The following TENM2 variants were observed in gnomAD, a reference collection of about 807,000 sequenced individuals.
The protein encoded by TENM2 is teneurin transmembrane protein 2, also known as teneurin-2.
TENM2 carries 52 observed loss-of-function variants against 245.2 expected under a neutral mutation model. That is an observed-to-expected ratio of 0.21 (90% CI 0.17 to 0.27). TENM2 has a LOEUF of 0.27. TENM2 is among the 10% of genes least tolerant of loss of function. The pLI, the probability that TENM2 is intolerant of heterozygous loss-of-function variation, is 1.00. For synonymous variants in TENM2, 1,363 were observed against 1,438.9 expected, an observed-to-expected ratio of 0.95 and a Z score of 1.19; for missense variants, 3,046 against 3,666.8, an observed-to-expected ratio of 0.83 and a Z score of 4.37.
intron 25 of TENM2, among the ~76,000 whole-genome samples, chr5:168,230,301 A>C (rs1016071339): frequency 1.3e-5 from 2 of 152,244 alleles, no homozygotes; most frequent in African/African-American, 4.8e-5. Flanking sequence ...TCACTATGAG[A>C]TTATAACAGG....
At chr5:167,876,106 A>C in exon 3 of TENM2, 1 of 1,551,478 alleles carries the variant, frequency 6.4e-7, no homozygotes, top group Non-Finnish European at 8.7e-7. Context: ...ACCTCCCATC[A>C]AATCATGGAC....
chr5:167,734,588 C>T (rs980691068), intron 2 of TENM2, among the ~76,000 whole-genome samples: 6 of 151,650 alleles, frequency 4.0e-5, no homozygotes, highest in Admixed American at 6.6e-5. Flanking sequence ...TTGTGCCAAA[C>T]GAATGGCATT....
intron 6 of TENM2, among the ~76,000 whole-genome samples, chr5:168,058,237 T>A (rs2152080208): frequency 6.6e-6 from 1 of 152,342 alleles, no homozygotes. Flanking sequence ...CTTTACCCTG[T>A]CATCACAGGG....
exon 17 of TENM2, chr5:168,199,906 C>A: frequency 3.1e-6 from 5 of 1,613,958 alleles, no homozygotes; most frequent in Non-Finnish European, 3.4e-6. Flanking sequence ...CAATGTGAAA[C>A]TTCGCTATCT....
At chr5:167,963,022 C>A (rs1188904726) in intron 4 of TENM2, among the ~76,000 whole-genome samples, 1 of 152,078 alleles carries the variant, frequency 6.6e-6, no homozygotes, top group Non-Finnish European at 1.5e-5. Context: ...CATTAAAGAT[C>A]GTCCAACCTA....
At chr5:168,079,491 G>A (rs537962752) in intron 7 of TENM2, among the ~76,000 whole-genome samples, 4 of 152,150 alleles carry the variant, frequency 2.6e-5, no homozygotes, top group Non-Finnish European at 4.4e-5. Context: ...GTGAGAGAGG[G>A]CATCCCTGTC....
chr5:166,988,752 A>C, the TENM2 span, among the ~76,000 whole-genome samples: 1 of 152,202 alleles, frequency 6.6e-6, no homozygotes, highest in African/African-American at 2.4e-5. Context: ...TCACACTGGA[A>C]ACCCATTGCC....
chr5:167,568,828 T>C (rs750297971), intron 2 of TENM2, among the ~76,000 whole-genome samples: 2 of 152,074 alleles, frequency 1.3e-5, no homozygotes, highest in Non-Finnish European at 2.9e-5. Context: ...TTATATAGAC[T>C]TAGCCAGAGA....
At chr5:167,634,035 A>T (rs1205656909) in intron 2 of TENM2, among the ~76,000 whole-genome samples, 1 of 152,190 alleles carries the variant, frequency 6.6e-6, no homozygotes. Context: ...TCTTTAAATT[A>T]GTTGTGGAAA....
intron 2 of TENM2, among the ~76,000 whole-genome samples, chr5:167,427,965 G>C (rs1197045971): frequency 6.6e-6 from 1 of 152,048 alleles, no homozygotes; most frequent in Non-Finnish European, 1.5e-5. Context: ...AGGAAAGAAA[G>C]AAAAAGAGAA....
chr5:167,752,177 C>A (rs1762000147), intron 2 of TENM2, among the ~76,000 whole-genome samples: 1 of 151,970 alleles, frequency 6.6e-6, no homozygotes, highest in South Asian at 2.1e-4. Flanking sequence ...TCACTGCAAC[C>A]TCCACCTCCT....
chr5:167,431,744 A>G (rs2127443173), intron 2 of TENM2, among the ~76,000 whole-genome samples: 1 of 151,896 alleles, frequency 6.6e-6, no homozygotes, highest in South Asian at 2.1e-4. Context: ...TGTTTTTCCT[A>G]CCACCCAGTG....
At chr5:168,083,352 T>C (rs2569041) in intron 7 of TENM2, among the ~76,000 whole-genome samples, 82,989 of 152,078 alleles carry the variant, frequency 0.55, 23,907 homozygotes, top group East Asian at 0.9. Context: ...CCATCTGTCA[T>C]GGCTTCCCTT....
intron 6 of TENM2, among the ~76,000 whole-genome samples, chr5:168,058,855 C>T (rs1401547769): frequency 1.3e-5 from 2 of 152,052 alleles, no homozygotes; most frequent in Non-Finnish European, 2.9e-5. Flanking sequence ...CTATACTAAT[C>T]TCTCTTTTGT....
At chr5:167,443,877 G>T (rs1765005053) in intron 2 of TENM2, among the ~76,000 whole-genome samples, 1 of 151,964 alleles carries the variant, frequency 6.6e-6, no homozygotes, top group Non-Finnish European at 1.5e-5. Context: ...ATGGTTTATG[G>T]ATTTTTGTAG....
rs950334982 is a variant in TENM2, at chr5:167,695,025, A to G, written c.503-180961A>G. Reference sequence around the variant, plus strand: ...TTCATCTACTCTTGCTTCTGATGTCATTTCCCAATGGGGTAAATATGTCTC... The same window carrying G: ...TTCATCTACTCTTGCTTCTGATGTCGTTTCCCAATGGGGTAAATATGTCTC... On this transcript the variant is annotated intron_variant, in intron 2 of 28. Transcript: ENST00000518659. 5.9e-5 allele frequency among the ~76,000 whole-genome samples: 9 copies of G among 152,180 alleles called. 1 individual carries two copies. Among genetic ancestry groups the G allele is most frequent in the Admixed American group, 3.3e-4 (5 of 15,282 alleles).
At chr5:167,187,106 C>T in the TENM2 span, among the ~76,000 whole-genome samples, 1 of 152,186 alleles carries the variant, frequency 6.6e-6, no homozygotes, top group Non-Finnish European at 1.5e-5. Flanking sequence ...ACTCTAGTTT[C>T]ACTTTGTTTT....
At chr5:167,450,172 C>G (rs375065912) in intron 2 of TENM2, among the ~76,000 whole-genome samples, 13 of 152,096 alleles carry the variant, frequency 8.5e-5, no homozygotes, top group East Asian at 7.8e-4. Flanking sequence ...TATTTAAAAA[C>G]TACTTTTATT....
At chr5:167,293,996 G>GTGTT (rs1222542259) in intron 1 of TENM2, among the ~76,000 whole-genome samples, 3 of 151,990 alleles carry the variant, frequency 2.0e-5, no homozygotes, top group Admixed American at 2.0e-4. Context: ...GTGTGTGTGT[G>GTGTT]TGTGTGTGTT....
Sources: gnomAD v4.1 joint callset for allele counts (sites outside exome capture counted in the v4.1 genomes callset) on GRCh38, gnomAD v4.1.1 for gene constraint, MANE v1.5 for transcripts, NCBI Gene and HGNC (gene_info 2026-07-23, HGNC 2026-07-21) for gene names.